The following ZNF385D variants were observed in gnomAD, a reference collection of about 807,000 sequenced individuals.
The protein encoded by ZNF385D is zinc finger protein 385D.
Under a neutral mutation model 35.8 loss-of-function variants are expected in ZNF385D, and 15 were observed. That is an observed-to-expected ratio of 0.42 (90% CI 0.28 to 0.64). The LOEUF is 0.64. Ranked by LOEUF, ZNF385D falls within the 30% of genes least tolerant of loss-of-function variation. ZNF385D has a pLI of 0.23. For synonymous variants in ZNF385D, 212 were observed against 186.8 expected (o/e 1.13, Z -1.10); for missense variants, 474 against 494.6 (o/e 0.96, Z 0.39).
At chr3:22,152,338 G>C (rs942323450) in intron 3 of ZNF385D, among the ~76,000 whole-genome samples, 18 of 152,090 alleles carry the variant, frequency 1.2e-4, no homozygotes, top group African/African-American at 3.6e-4. Context: ...TACCACTTAG[G>C]AAAATGACGG....
chr3:21,437,640 T>C (rs1240410133), intron 4 of ZNF385D, among the ~76,000 whole-genome samples: 1 of 150,404 alleles, frequency 6.6e-6, no homozygotes, highest in Non-Finnish European at 1.5e-5. Flanking sequence ...TTTACTTCTG[T>C]CTTTCATTGT....
intron 3 of ZNF385D, among the ~76,000 whole-genome samples, chr3:21,978,060 T>C (rs1305295497): frequency 1.3e-5 from 2 of 152,182 alleles, no homozygotes; most frequent in Non-Finnish European, 2.9e-5. Flanking sequence ...AAATAAACAA[T>C]ATATCAGACC....
intron 3 of ZNF385D, among the ~76,000 whole-genome samples, chr3:21,516,154 A>T (rs1261475758): frequency 6.6e-6 from 1 of 152,178 alleles, no homozygotes; most frequent in Non-Finnish European, 1.5e-5. Context: ...ATTGTCCTTG[A>T]AAAACACCAA....
At chr3:22,330,612 T>C (rs1390637786) in intron 2 of ZNF385D, among the ~76,000 whole-genome samples, 1 of 152,206 alleles carries the variant, frequency 6.6e-6, no homozygotes, top group Non-Finnish European at 1.5e-5. Context: ...CTTCAGTTTT[T>C]CTTTAGGAGG....
intron 3 of ZNF385D, among the ~76,000 whole-genome samples, chr3:21,918,102 T>C (rs1700279981): frequency 6.6e-6 from 1 of 152,210 alleles, no homozygotes; most frequent in Non-Finnish European, 1.5e-5. Context: ...CAATGTGTTT[T>C]AATAAGCTGA....
intron 2 of ZNF385D, among the ~76,000 whole-genome samples, chr3:22,216,566 G>A (rs551900139): frequency 3.9e-4 from 59 of 152,206 alleles, no homozygotes; most frequent in African/African-American, 1.2e-3. Flanking sequence ...CAAGGAAAAC[G>A]TGGAGAAGAA....
intron 3 of ZNF385D, among the ~76,000 whole-genome samples, chr3:21,937,372 TAC>T (rs1205120289): frequency 1.3e-5 from 2 of 152,190 alleles, no homozygotes; most frequent in African/African-American, 2.4e-5. Flanking sequence ...CAATGACTTT[TAC>T]AGTTATTTGC....
chr3:21,752,099 G>A (rs952418976), upstream of ZNF385D, among the ~76,000 whole-genome samples: 2 of 140,604 alleles, frequency 1.4e-5, no homozygotes, highest in Non-Finnish European at 3.0e-5. Context: ...AAAGCCTCTG[G>A]CTCCTCCAAT....
At chr3:21,891,096 C>A (rs565502864) in intron 3 of ZNF385D, among the ~76,000 whole-genome samples, 1 of 151,928 alleles carries the variant, frequency 6.6e-6, no homozygotes, top group East Asian at 1.9e-4. Flanking sequence ...TCATCATTTG[C>A]AAAATGGTTA....
At chr3:21,909,374 T>A (rs1365227702) in intron 3 of ZNF385D, among the ~76,000 whole-genome samples, 1 of 152,048 alleles carries the variant, frequency 6.6e-6, no homozygotes, top group Non-Finnish European at 1.5e-5. Flanking sequence ...AATGTTTCAT[T>A]TTCCACCATG....
intron 3 of ZNF385D, among the ~76,000 whole-genome samples, chr3:22,014,592 A>G (rs1012862689): frequency 2.0e-5 from 3 of 152,108 alleles, no homozygotes; most frequent in South Asian, 2.1e-4. Context: ...TTTATACATA[A>G]AAGTCTCAGA....
intron 3 of ZNF385D, among the ~76,000 whole-genome samples, chr3:21,980,807 A>T (rs1694391359): frequency 2.6e-5 from 4 of 152,162 alleles, no homozygotes; most frequent in South Asian, 4.1e-4. Flanking sequence ...ATAAGTGAGA[A>T]CATGTAATAT....
In ZNF385D at chr3:21,504,082, C is replaced by T. The variant is rs138265684; in HGVS notation, c.439+6779G>A. 3.6e-4 allele frequency among the ~76,000 whole-genome samples: 55 copies of T among 152,146 alleles called. 1 individual carries two copies. The South Asian group carries it at 5.8e-3, about 16-fold the overall frequency. On this transcript the variant is annotated intron_variant, in intron 4 of 7. Transcript: ENST00000281523. ...TGAATACATTTGCAATTCAGTGAGA[C>T]GTGATAAAGAGAATTATGTAATAGA...
chr3:22,002,196 T>C (rs1189812716), intron 3 of ZNF385D, among the ~76,000 whole-genome samples: 1 of 151,876 alleles, frequency 6.6e-6, no homozygotes, highest in African/African-American at 2.4e-5. Flanking sequence ...AATGCACTAT[T>C]AGCTCAACTA....
At chr3:21,788,943 T>G (rs923821182) in intron 3 of ZNF385D, among the ~76,000 whole-genome samples, 4 of 152,008 alleles carry the variant, frequency 2.6e-5, no homozygotes, top group Non-Finnish European at 5.9e-5. Context: ...TCAGAGAGCA[T>G]GAGGACAGAA....
intron 3 of ZNF385D, among the ~76,000 whole-genome samples, chr3:21,818,450 C>G (rs1357330109): frequency 2.0e-5 from 3 of 152,120 alleles, no homozygotes; most frequent in East Asian, 1.9e-4. Context: ...AATCTGAACA[C>G]TAACTGGTTA....
At chr3:22,108,781 G>C (rs982621733) in intron 3 of ZNF385D, among the ~76,000 whole-genome samples, 2 of 152,200 alleles carry the variant, frequency 1.3e-5, no homozygotes, top group African/African-American at 2.4e-5. Context: ...GGGAGGCTGA[G>C]ATGGGTGGAT....
intron 2 of ZNF385D, among the ~76,000 whole-genome samples, chr3:22,218,922 T>C (rs1031769802): frequency 3.3e-5 from 5 of 152,164 alleles, no homozygotes; most frequent in Admixed American, 1.3e-4. Flanking sequence ...TTGTAGATCA[T>C]TGCATGTTAG....
Position 22,259,973 on chromosome 3 carries a change from T to A in ZNF385D, c.107-90938A>T, listed in dbSNP as rs549793703. Among the ~76,000 whole-genome samples the A allele has an allele frequency of 3.9e-5, 6 of 152,070 alleles. No homozygotes were observed. The South Asian group carries it at 1.2e-3, about 32-fold the overall frequency. ...TGTACATAAAAGAGAAAAGGATTGTTAGGACACGAAAAGGTCATAAGCAAA... is the reference window on the plus strand; with the variant it reads ...TGTACATAAAAGAGAAAAGGATTGTAAGGACACGAAAAGGTCATAAGCAAA... On this transcript the variant is annotated intron_variant, in intron 2 of 5. Transcript: ENST00000494108.
Sources: gnomAD v4.1 joint callset for allele counts (sites outside exome capture counted in the v4.1 genomes callset) on GRCh38, gnomAD v4.1.1 for gene constraint, MANE v1.5 for transcripts, NCBI Gene and HGNC (gene_info 2026-07-23, HGNC 2026-07-21) for gene names.